The following MACROD2 variants were observed in gnomAD, a reference collection of about 807,000 sequenced individuals.
MACROD2 encodes the protein mono-ADP ribosylhydrolase 2.
Under a neutral mutation model 70.4 loss-of-function variants are expected in MACROD2, and 36 were observed. That is an observed-to-expected ratio of 0.51 (90% CI 0.39 to 0.68). The LOEUF (loss-of-function observed/expected upper bound fraction) is 0.68. Among genes scored for constraint, MACROD2 ranks in the 30% least tolerant of loss-of-function variants. The pLI is 0.00. For missense variants in MACROD2, 496 were observed against 538.4 expected (o/e 0.92, Z 0.78); for synonymous variants, 172 against 178.8 (o/e 0.96, Z 0.30).
chr20:14,609,299 T>A (rs997624223), intron 4 of MACROD2, among the ~76,000 whole-genome samples: 1 of 152,104 alleles, frequency 6.6e-6, no homozygotes, highest in Admixed American at 6.6e-5. Flanking sequence ...TGCTAGTAGT[T>A]GCTGTTGTAT....
chr20:15,239,044 A>G (rs938712834), intron 6 of MACROD2, among the ~76,000 whole-genome samples: 5 of 152,212 alleles, frequency 3.3e-5, no homozygotes, highest in Non-Finnish European at 5.9e-5. Flanking sequence ...GAAATAGTCA[A>G]TTGAAGACAC....
At chr20:14,982,309 G>A (rs2074808139) in intron 5 of MACROD2, among the ~76,000 whole-genome samples, 1 of 152,172 alleles carries the variant, frequency 6.6e-6, no homozygotes, top group Non-Finnish European at 1.5e-5. Context: ...CAGCCTAACA[G>A]TGCAGTAGAA....
intron 8 of MACROD2, among the ~76,000 whole-genome samples, chr20:15,611,925 T>A (rs1329592695): frequency 6.7e-6 from 1 of 148,742 alleles, no homozygotes; most frequent in Non-Finnish European, 1.5e-5. Flanking sequence ...ACAAAGCACC[T>A]TTTAATGCAG....
intron 5 of MACROD2, among the ~76,000 whole-genome samples, chr20:14,963,936 T>G (rs1043250408): frequency 2.6e-5 from 4 of 152,214 alleles, no homozygotes; most frequent in Non-Finnish European, 5.9e-5. Context: ...GCTTGATAAA[T>G]ATTTACAGCA....
At chr20:15,599,390 CA>C (rs963395298) in intron 8 of MACROD2, among the ~76,000 whole-genome samples, 11 of 147,274 alleles carry the variant, frequency 7.5e-5, no homozygotes, top group African/African-American at 9.9e-5. Flanking sequence ...GACTCTGTCT[CA>C]AAAAAAAAAG....
At chr20:15,757,592 A>G (rs968549596) in intron 8 of MACROD2, among the ~76,000 whole-genome samples, 3 of 152,204 alleles carry the variant, frequency 2.0e-5, no homozygotes, top group Non-Finnish European at 4.4e-5. Context: ...GTCTTAGTTT[A>G]AGCTACTATA....
At chr20:14,786,204 T>TAGAGGGAGAGAGAG (rs2072370216) in intron 5 of MACROD2, among the ~76,000 whole-genome samples, 8 of 135,430 alleles carry the variant, frequency 5.9e-5, no homozygotes, top group Non-Finnish European at 1.2e-4. Flanking sequence ...CAGAGAAAGA[T>TAGAGGGAGAGAGAG]AGAGAGAGAG....
intron 5 of MACROD2, among the ~76,000 whole-genome samples, chr20:14,945,106 C>CT (rs1185161098): frequency 1.3e-5 from 2 of 151,790 alleles, no homozygotes; most frequent in Non-Finnish European, 2.9e-5. Context: ...CTTTTCTTTT[C>CT]TTTCTTTCTT....
At chr20:14,138,174 C>A (rs142760894) in intron 3 of MACROD2, among the ~76,000 whole-genome samples, 1 of 152,190 alleles carries the variant, frequency 6.6e-6, no homozygotes, top group African/African-American at 2.4e-5. Context: ...GTTGGTACAG[C>A]CATTATGGAA....
Position 15,542,884 on chromosome 20 carries a change from G to A in MACROD2, c.645+43037G>A, listed in dbSNP as rs983636026. Among the ~76,000 whole-genome samples the A allele has an allele frequency of 3.9e-5, 6 of 152,092 alleles. No homozygotes were observed. In the East Asian group the frequency reaches 5.8e-4, roughly 15 times the overall value. On this transcript the variant is annotated intron_variant, in intron 8 of 17. Coordinates refer to ENST00000684519, the MANE Select transcript of MACROD2 (RefSeq NM_001351661.2). ...GAGATCACGTGACATCCTTGTCCAC[G>A]TCCTACGCAGCACAACTTGTCAAAC...
At chr20:15,838,424 A>G (rs1472671426) in intron 8 of MACROD2, among the ~76,000 whole-genome samples, 1 of 152,170 alleles carries the variant, frequency 6.6e-6, no homozygotes, top group African/African-American at 2.4e-5. Context: ...TGATGCAAAA[A>G]TTAAGCATCA....
intron 3 of MACROD2, among the ~76,000 whole-genome samples, chr20:14,405,563 A>T (rs2083683056): frequency 6.6e-6 from 1 of 152,204 alleles, no homozygotes; most frequent in Non-Finnish European, 1.5e-5. Flanking sequence ...TCATTAGAAG[A>T]TTAGCTAAAT....
chr20:15,082,418 G>C (rs2123137665), intron 5 of MACROD2, among the ~76,000 whole-genome samples: 1 of 152,040 alleles, frequency 6.6e-6, no homozygotes, highest in East Asian at 1.9e-4. Flanking sequence ...GTGGCCATTG[G>C]TAATTCTCCT....
intron 4 of MACROD2, among the ~76,000 whole-genome samples, chr20:14,615,681 G>A (rs1298263203): frequency 6.6e-6 from 1 of 152,122 alleles, no homozygotes; most frequent in Non-Finnish European, 1.5e-5. Flanking sequence ...GAGCAGGGAA[G>A]AATATGTGCC....
intron 6 of MACROD2, among the ~76,000 whole-genome samples, chr20:15,273,601 G>A (rs997345822): frequency 1.3e-5 from 2 of 152,138 alleles, no homozygotes; most frequent in Admixed American, 6.5e-5. Flanking sequence ...AGATCTCAGG[G>A]TGAGGAAAAG....
intron 5 of MACROD2, among the ~76,000 whole-genome samples, chr20:15,098,356 C>T (rs897052329): frequency 3.9e-5 from 6 of 152,092 alleles, no homozygotes; most frequent in South Asian, 2.1e-4. Context: ...ATTTGGGTGG[C>T]GGCTCTGTAG....
At chr20:15,865,278 G>A (rs571987369) in intron 9 of MACROD2, among the ~76,000 whole-genome samples, 1 of 152,080 alleles carries the variant, frequency 6.6e-6, no homozygotes, top group African/African-American at 2.4e-5. Context: ...CATACTAAAG[G>A]TATGCCACAT....
chr20:14,531,520 GA>G (rs2085303681), intron 4 of MACROD2, among the ~76,000 whole-genome samples: 1 of 152,152 alleles, frequency 6.6e-6, no homozygotes, highest in South Asian at 2.1e-4. Context: ...ATTGATTTTG[GA>G]CCTCTGGCCT....
intron 8 of MACROD2, among the ~76,000 whole-genome samples, chr20:15,544,306 G>A (rs984756229): frequency 6.6e-6 from 1 of 152,194 alleles, no homozygotes; most frequent in Non-Finnish European, 1.5e-5. Context: ...TACAGACTGA[G>A]CTTTATAAAA....
Sources: gnomAD v4.1 joint callset for allele counts (sites outside exome capture counted in the v4.1 genomes callset) on GRCh38, gnomAD v4.1.1 for gene constraint, MANE v1.5 for transcripts, NCBI Gene and HGNC (gene_info 2026-07-23, HGNC 2026-07-21) for gene names.